Variants in VAMP7 observed in about 807,000 individuals in gnomAD.
VAMP7 encodes vesicle associated membrane protein 7.
A neutral mutation model predicts 29.6 loss-of-function variants in VAMP7; 14 were observed. That is an observed-to-expected ratio of 0.47 (90% CI 0.31 to 0.74). The LOEUF (loss-of-function observed/expected upper bound fraction) is 0.74. VAMP7 is among the 30% of genes least tolerant of loss of function. The pLI, the probability that VAMP7 is intolerant of heterozygous loss-of-function variation, is 0.05. For missense variants in VAMP7, 223 were observed against 262.4 expected (o/e 0.85, Z 1.04); for synonymous variants, 95 against 88.1 (o/e 1.08, Z -0.44).
chrX:155,927,245 G>A (rs918716339), intron 6 of VAMP7, among the ~76,000 whole-genome samples: 1 of 151,956 alleles, frequency 6.6e-6, no homozygotes, highest in Middle Eastern at 3.4e-3. Context: ...GGGAGGGATA[G>A]CATTAGGAGA....
chrX:155,909,235 A>G (rs1391757158), intron 5 of VAMP7, among the ~76,000 whole-genome samples: 1 of 152,034 alleles, frequency 6.6e-6, no homozygotes, highest in Non-Finnish European at 1.5e-5. Flanking sequence ...GAATTTGTGC[A>G]TTTCATCTAA....
intron 5 of VAMP7, among the ~76,000 whole-genome samples, chrX:155,913,128 A>T (rs753748973): frequency 6.6e-6 from 1 of 152,256 alleles, no homozygotes; most frequent in South Asian, 2.1e-4. Context: ...ATGACCCGTG[A>T]TGATGAGCTT....
rs763339670 is a variant in VAMP7, at chrX:155,939,699, A to G, written c.502-2A>G. 6.2e-7 allele frequency: 1 copy of G among 1,612,842 alleles called. No individual in the cohort carries two copies. Among genetic ancestry groups the G allele is most frequent in the Non-Finnish European group, 8.5e-7 (1 of 1,178,904 alleles). Reference sequence around the variant, plus strand: ...GTTAAACAATTCTCGCCTCTTTTCTAGTCTGTCACCTTCAAAACTACCAGC... The same window carrying G: ...GTTAAACAATTCTCGCCTCTTTTCTGGTCTGTCACCTTCAAAACTACCAGC... On this transcript the variant is annotated splice_acceptor_variant, in intron 6 of 7. Transcript: ENST00000286448. LOFTEE classifies it high-confidence loss of function.
At chrX:155,890,071 G>C (rs1446855869) in intron 2 of VAMP7, among the ~76,000 whole-genome samples, 8 of 151,938 alleles carry the variant, frequency 5.3e-5, no homozygotes, top group African/African-American at 1.9e-4. Context: ...GTCAAGGGTT[G>C]GGGGGATGGG....
chrX:155,926,439 A>G (rs188816108), intron 6 of VAMP7, among the ~76,000 whole-genome samples: 1,863 of 152,242 alleles, frequency 0.012, 29 homozygotes, highest in African/African-American at 0.043. Context: ...TCATGAACCA[A>G]CTTCTGCTAG....
rs755283512 is a variant in VAMP7 at position 155,894,161 on chromosome X, C to T, written c.147-1462C>T. Among the ~76,000 whole-genome samples, 172 of 152,248 alleles carry T rather than the reference C, an allele frequency of 1.1e-3. 2 individuals are homozygous for T. Among genetic ancestry groups the T allele is most frequent in the African/African-American group, 4.1e-3 (169 of 41,566 alleles). On this transcript the variant is annotated intron_variant, in intron 2 of 7. Coordinates refer to ENST00000286448, the MANE Select transcript of VAMP7 (RefSeq NM_005638.6). Reference sequence around the variant, plus strand: ...AAGTTCTATAAATGCTGCCTCCTATCTCTTCTCTGTCCCTTTTTCTTTATT... The same window carrying T: ...AAGTTCTATAAATGCTGCCTCCTATTTCTTCTCTGTCCCTTTTTCTTTATT...
chrX:155,894,887 A>T (rs2065967728), intron 2 of VAMP7, among the ~76,000 whole-genome samples: 1 of 152,088 alleles, frequency 6.6e-6, no homozygotes, highest in African/African-American at 2.4e-5. Context: ...AAGTGCTAGG[A>T]TTACAGGCAT....
At chrX:155,883,583 TG>T (rs2065829530) in intron 1 of VAMP7, among the ~76,000 whole-genome samples, 1 of 152,194 alleles carries the variant, frequency 6.6e-6, no homozygotes, top group African/African-American at 2.4e-5. Context: ...TTAAAGATTT[TG>T]CATTGACTAT....
intron 6 of VAMP7, among the ~76,000 whole-genome samples, chrX:155,923,073 A>G (rs1339130010): frequency 6.6e-6 from 1 of 152,044 alleles, no homozygotes; most frequent in African/African-American, 2.4e-5. Flanking sequence ...TAAGAACCTT[A>G]TAATAGTATA....
At chrX:155,919,998 C>A in intron 6 of VAMP7, 118 bp downstream of exon 6, 1 of 808,664 alleles carries the variant, frequency 1.2e-6, no homozygotes, top group South Asian at 1.7e-5. Flanking sequence ...TTTTCTTTCT[C>A]ATTTCCATTA....
intron 6 of VAMP7, 43 bp from the exon 7 acceptor site, chrX:155,939,658 G>A (rs752687836): frequency 1.5e-6 from 2 of 1,369,378 alleles, no homozygotes; most frequent in Non-Finnish European, 2.1e-6. Context: ...AATCATTCAT[G>A]TAGTCAGTGC....
At chrX:155,916,715 C>T (rs888388553) in intron 5 of VAMP7, among the ~76,000 whole-genome samples, 231 of 152,192 alleles carry the variant, frequency 1.5e-3, no homozygotes, top group Non-Finnish European at 2.5e-3. Flanking sequence ...GGGTTTCTGT[C>T]GAGAGATCTG....
intron 3 of VAMP7, among the ~76,000 whole-genome samples, chrX:155,896,331 T>C (rs1215966641): frequency 2.6e-5 from 4 of 152,306 alleles, no homozygotes; most frequent in Non-Finnish European, 5.9e-5. Flanking sequence ...AAAAATTGTT[T>C]ACGTGGAATG....
intron 5 of VAMP7, among the ~76,000 whole-genome samples, chrX:155,904,357 TAATAA>T (rs1431105741): frequency 3.4e-5 from 3 of 88,574 alleles, no homozygotes; most frequent in Non-Finnish European, 6.7e-5. Context: ...AGTATAATAA[TAATAA>T]AATAAAATAA....
intron 6 of VAMP7, among the ~76,000 whole-genome samples, chrX:155,922,103 T>C (rs764464790): frequency 1.3e-5 from 2 of 152,198 alleles, no homozygotes; most frequent in South Asian, 2.1e-4. Context: ...TCTAATTCTT[T>C]ATTGCTAGTA....
Position 155,905,356 on chromosome X carries a change from C to T in VAMP7, c.433+4769C>T, listed in dbSNP as rs756626221. Among the ~76,000 whole-genome samples, 5 of 152,036 alleles carry T rather than the reference C, an allele frequency of 3.3e-5. No individual in the cohort carries two copies. In the East Asian group the frequency reaches 5.8e-4, roughly 18 times the overall value. Reference sequence around the variant, plus strand: ...AGATACATGATTTTCAAATATTTTGCTCTATTCTGTGAGTTGTCTTTTCAT... The same window carrying T: ...AGATACATGATTTTCAAATATTTTGTTCTATTCTGTGAGTTGTCTTTTCAT... On this transcript the variant is annotated intron_variant, in intron 5 of 7. Coordinates refer to ENST00000286448, the MANE Select transcript of VAMP7 (RefSeq NM_005638.6).
intron 1 of VAMP7, among the ~76,000 whole-genome samples, chrX:155,886,492 C>T (rs893229659): frequency 6.6e-6 from 1 of 152,118 alleles, no homozygotes; most frequent in African/African-American, 2.4e-5. Flanking sequence ...ATTCATTGTT[C>T]CTAGTTATAT....
At chrX:155,912,524 C>A (rs2066252427) in intron 5 of VAMP7, among the ~76,000 whole-genome samples, 2 of 151,954 alleles carry the variant, frequency 1.3e-5, no homozygotes, top group African/African-American at 2.4e-5. Context: ...CCCCTACCCC[C>A]AACAGGCCCC....
intron 1 of VAMP7, among the ~76,000 whole-genome samples, chrX:155,888,661 A>C (rs913043414): frequency 3.3e-5 from 5 of 152,162 alleles, no homozygotes; most frequent in Non-Finnish European, 5.9e-5. Flanking sequence ...TGGTTTTAGT[A>C]ATGTTTTGTT....
Sources: gnomAD v4.1 joint callset for allele counts (sites outside exome capture counted in the v4.1 genomes callset) on GRCh38, gnomAD v4.1.1 for gene constraint, MANE v1.5 for transcripts, NCBI Gene and HGNC (gene_info 2026-07-23, HGNC 2026-07-21) for gene names.